The following PAM variants were observed in gnomAD, a reference collection of about 807,000 sequenced individuals.
The protein encoded by PAM is peptidyl-glycine alpha-amidating monooxygenase.
PAM carries 72 observed loss-of-function variants against 122.1 expected under a neutral mutation model. The observed-to-expected ratio is 0.59, with a 90% confidence interval of 0.49 to 0.72. The LOEUF is 0.72. Among genes scored for constraint, PAM ranks in the 30% least tolerant of loss-of-function variants. The probability of loss-of-function intolerance (pLI) is 0.00; values close to 1 mark genes in which losing one functional copy is unlikely to be tolerated. For missense variants in PAM, 1,106 were observed against 1,183.7 expected (o/e 0.93, Z 0.96); for synonymous variants, 389 against 404.4 (o/e 0.96, Z 0.46).
At chr5:102,828,091 C>T (rs1774204887) in intron 1 of PAM, among the ~76,000 whole-genome samples, 1 of 152,086 alleles carries the variant, frequency 6.6e-6, no homozygotes. Flanking sequence ...ATAATCTCAG[C>T]ACTTTAGGAG....
chr5:102,990,445 A>T, intron 16 of PAM, 44 bp downstream of exon 16: 2 of 1,442,350 alleles, frequency 1.4e-6, no homozygotes, highest in Non-Finnish European at 1.9e-6. Flanking sequence ...AAATAAAAAT[A>T]GTGTACATAA....
Position 103,009,791 on chromosome 5 carries a change from C to A in PAM, c.2256C>A (p.Asp752Glu). 1 of 1,612,310 alleles carries A rather than the reference C, an allele frequency of 6.2e-7. No individual in the cohort carries two copies. The highest frequency in any genetic ancestry group is 1.1e-5 in the South Asian group (1 of 91,034). ...FAVNGKPHFGDQEPVQGFVMN... is the reference protein window; with the variant it reads ...FAVNGKPHFGEQEPVQGFVMN... Reference sequence around the variant, plus strand: ...TGAATGGGAAGCCTCATTTTGGGGACCAAGAACCTGTACAAGGATTTGTGA... The same window carrying A: ...TGAATGGGAAGCCTCATTTTGGGGAACAAGAACCTGTACAAGGATTTGTGA... Residue 752 changes from aspartate (D) to glutamate (E), a missense_variant, in exon 21 of 26, where the codon GAC becomes GAA. This residue lies in a region of PAM where 333 missense variants were observed against 335.6 expected (regional missense o/e 0.99). Transcript: ENST00000438793.
chr5:102,859,059 C>A (rs1234799425), intron 1 of PAM, among the ~76,000 whole-genome samples: 1 of 151,966 alleles, frequency 6.6e-6, no homozygotes. Context: ...GTGTATAGTA[C>A]GTAATACTTG....
At chr5:102,840,875 G>T (rs1340154713) in intron 1 of PAM, among the ~76,000 whole-genome samples, 1 of 152,094 alleles carries the variant, frequency 6.6e-6, no homozygotes, top group Admixed American at 6.5e-5. Flanking sequence ...TTTTTTAATT[G>T]AGCAGTAATA....
At chr5:102,917,539 A>G (rs1178429745) in intron 5 of PAM, among the ~76,000 whole-genome samples, 1 of 152,214 alleles carries the variant, frequency 6.6e-6, no homozygotes, top group African/African-American at 2.4e-5. Context: ...AGGAAAGAAG[A>G]AAAAGCTATT....
intron 1 of PAM, among the ~76,000 whole-genome samples, chr5:102,844,401 A>G (rs1779434638): frequency 6.6e-6 from 1 of 152,186 alleles, no homozygotes; most frequent in South Asian, 2.1e-4. Flanking sequence ...GATCTAAAAC[A>G]TGCCTGTAAT....
intron 16 of PAM, among the ~76,000 whole-genome samples, chr5:102,996,520 A>G (rs944459434): frequency 6.6e-6 from 1 of 152,208 alleles, no homozygotes; most frequent in Non-Finnish European, 1.5e-5. Flanking sequence ...TAGCAAGTTT[A>G]ACATGTGTGT....
Position 103,025,123 on chromosome 5 carries a change from C to A in PAM, c.2486-8C>A, listed in dbSNP as rs1369240436. ...AGTTGAATATTGTGAACTCTTCTTTCCCTGAAGAAGCCGAGGCAGTTGTTG... is the reference window on the plus strand; with the variant it reads ...AGTTGAATATTGTGAACTCTTCTTTACCTGAAGAAGCCGAGGCAGTTGTTG... On this transcript the variant is annotated splice_polypyrimidine_tract_variant and splice_region_variant and intron_variant, in intron 23 of 25. Coordinates refer to ENST00000438793, the MANE Select transcript of PAM (RefSeq NM_001177306.2). The A allele has an allele frequency of 5.6e-6, 9 of 1,603,372 alleles. No homozygotes were observed. The highest frequency in any genetic ancestry group is 6.8e-6 in the Non-Finnish European group (8 of 1,170,530).
chr5:102,844,966 A>G (rs1779609179), intron 1 of PAM, among the ~76,000 whole-genome samples: 1 of 152,188 alleles, frequency 6.6e-6, no homozygotes, highest in Non-Finnish European at 1.5e-5. Flanking sequence ...TGTAAGTTGT[A>G]GTCAAATTCC....
intron 14 of PAM, among the ~76,000 whole-genome samples, chr5:102,967,183 A>T (rs1764343293): frequency 6.6e-6 from 1 of 152,112 alleles, no homozygotes; most frequent in South Asian, 2.1e-4. Flanking sequence ...TTGATCCACA[A>T]AGCAGTTAAT....
intron 9 of PAM, among the ~76,000 whole-genome samples, chr5:102,948,706 AT>A (rs1757796334): frequency 1.3e-5 from 2 of 152,064 alleles, no homozygotes; most frequent in South Asian, 2.1e-4. Flanking sequence ...TAAAGAATAA[AT>A]CTTGAGTATT....
intron 7 of PAM, among the ~76,000 whole-genome samples, chr5:102,934,809 T>A (rs1436462529): frequency 1.3e-5 from 2 of 152,200 alleles, no homozygotes; most frequent in East Asian, 3.8e-4. Context: ...AACATAAATA[T>A]CATCATATTC....
intron 1 of PAM, among the ~76,000 whole-genome samples, chr5:102,790,226 C>T (rs1050202166): frequency 6.6e-6 from 1 of 152,026 alleles, no homozygotes; most frequent in Non-Finnish European, 1.5e-5. Context: ...ATAATTAAAA[C>T]ATGTCCTGTC....
At chr5:102,790,947 A>G (rs939716781) in intron 1 of PAM, among the ~76,000 whole-genome samples, 1 of 152,084 alleles carries the variant, frequency 6.6e-6, no homozygotes, top group African/African-American at 2.4e-5. Flanking sequence ...TGTTCTGTTC[A>G]TGCATATATG....
chr5:102,782,108 G>A (rs1759122393), intron 1 of PAM, among the ~76,000 whole-genome samples: 1 of 152,190 alleles, frequency 6.6e-6, no homozygotes, highest in African/African-American at 2.4e-5. Flanking sequence ...ATATTCCTAG[G>A]AGCTCAACAT....
Position 102,926,585 on chromosome 5 carries a change from G to A in PAM, c.443G>A (p.Gly148Asp). Residue 148 changes from glycine (G) to aspartate (D), a missense_variant and splice_region_variant, in exon 7 of 26, where the codon GGT (glycine) becomes GAT (aspartate). By Grantham distance (94) the Gly-to-Asp change is moderately conservative. Transcript: ENST00000438793. ...TATTAACTTTTTTGTAAATCTTTAG[G>A]TGTTGGATTCAGAGTTGGAGGAGAG... ...RNAPPTRLPK[G>D]VGFRVGGETG... 2 of 1,553,794 alleles carry A rather than the reference G, an allele frequency of 1.3e-6. No individual in the cohort carries two copies. Among genetic ancestry groups the A allele is most frequent in the Non-Finnish European group, 1.8e-6 (2 of 1,125,840 alleles).
At chr5:102,763,586 A>G (rs932800801) in intron 1 of PAM, among the ~76,000 whole-genome samples, 11 of 152,198 alleles carry the variant, frequency 7.2e-5, no homozygotes, top group African/African-American at 2.7e-4. Flanking sequence ...GGGCTTATAT[A>G]ATAGGAACCT....
chr5:102,973,297 G>T (rs1456976065), intron 14 of PAM, among the ~76,000 whole-genome samples: 2 of 151,960 alleles, frequency 1.3e-5, no homozygotes. Context: ...AAATGATGAG[G>T]GTTAAAATAC....
chr5:102,910,488 C>G (rs1801062737), intron 4 of PAM, among the ~76,000 whole-genome samples: 2 of 151,838 alleles, frequency 1.3e-5, no homozygotes, highest in Admixed American at 1.3e-4. Flanking sequence ...CCAGGACTTA[C>G]TCACCTATAA....
Sources: allele counts gnomAD v4.1 joint callset (sites outside exome capture counted in the v4.1 genomes callset), GRCh38; gene constraint gnomAD v4.1.1; regional missense constraint gnomAD v4.1.1; transcripts MANE v1.5; gene names NCBI Gene and HGNC (gene_info 2026-07-23, HGNC 2026-07-21).